The following GRM8 variants were observed in gnomAD, a reference collection of about 807,000 sequenced individuals.
GRM8 encodes glutamate metabotropic receptor 8.
GRM8 carries 47 observed loss-of-function variants against 87.2 expected under a neutral mutation model. The observed-to-expected ratio is 0.54, with a 90% CI of 0.43 to 0.69. The LOEUF (loss-of-function observed/expected upper bound fraction) is 0.69. Ranked by LOEUF, GRM8 falls within the 30% of genes least tolerant of loss-of-function variation. GRM8 has a pLI of 0.00. For missense variants in GRM8, 1,019 were observed against 1,139.2 expected (o/e 0.89, Z 1.52); for synonymous variants, 396 against 404.5 (o/e 0.98, Z 0.25).
Position 126,721,967 on chromosome 7 carries a change from T to C in GRM8, c.1357+47898A>G, listed in dbSNP as rs117952396. 3.3e-3 allele frequency among the ~76,000 whole-genome samples: 507 copies of C among 152,252 alleles called. 1 individual carries two copies. The highest frequency in any genetic ancestry group is 5.9e-3 in the Non-Finnish European group (402 of 68,004). On this transcript the variant is annotated intron_variant, in intron 7 of 10. Coordinates refer to ENST00000339582, the MANE Select transcript of GRM8 (RefSeq NM_000845.3). The stretch of plus-strand genomic sequence containing the variant: ...TAATCCCAGGATTTGAAAGACAAAG[T>C]TGTACCAATGAACACTTAAGCAGAG...
rs538276983 is a variant in GRM8, at chr7:126,743,988, T to C, written c.1357+25877A>G. On this transcript the variant is annotated intron_variant, in intron 7 of 10. Transcript: ENST00000339582. Reference sequence around the variant, plus strand: ...AGACAGTGGTGCCGAACTACACTAGTAGTCATCATATTCCTCACTGCTACA... The same window carrying C: ...AGACAGTGGTGCCGAACTACACTAGCAGTCATCATATTCCTCACTGCTACA... 1.1e-4 allele frequency among the ~76,000 whole-genome samples: 17 copies of C among 152,184 alleles called. No homozygotes were observed. The South Asian group carries it at 1.5e-3, about 13-fold the overall frequency.
At chr7:126,589,890 C>G (rs1444456180) in intron 8 of GRM8, among the ~76,000 whole-genome samples, 1 of 152,072 alleles carries the variant, frequency 6.6e-6, no homozygotes, top group Non-Finnish European at 1.5e-5. Flanking sequence ...AGCCCTTGAG[C>G]CCCAGATCTT....
chr7:126,723,419 G>T (rs1416985630), intron 7 of GRM8, among the ~76,000 whole-genome samples: 1 of 152,080 alleles, frequency 6.6e-6, no homozygotes, highest in African/African-American at 2.4e-5. Context: ...GGAGGAAATA[G>T]AGGCCCGCAA....
intron 3 of GRM8, among the ~76,000 whole-genome samples, chr7:126,968,092 G>C (rs576028846): frequency 6.6e-6 from 1 of 152,174 alleles, no homozygotes; most frequent in Non-Finnish European, 1.5e-5. Context: ...CTTATCTGTT[G>C]GTTTTGGAGA....
intron 8 of GRM8, among the ~76,000 whole-genome samples, chr7:126,573,260 C>A (rs1363112409): frequency 6.6e-6 from 1 of 152,130 alleles, no homozygotes; most frequent in African/African-American, 2.4e-5. Flanking sequence ...ATTATTCTCA[C>A]AGGATAGAAT....
chr7:127,212,072 AT>A (rs1459130554), intron 2 of GRM8, among the ~76,000 whole-genome samples: 2 of 152,204 alleles, frequency 1.3e-5, no homozygotes, highest in Non-Finnish European at 2.9e-5. Context: ...CCCTTACATA[AT>A]AGTCACACCC....
At position 126,463,022 on chromosome 7, in the gene GRM8, T is replaced by C. The variant is rs537482144; in HGVS notation, c.2431-16650A>G. ...AGTCATCGACTGTTCTGACTAGATG[T>C]AGTGTGGTTATTTGACTGGTTTTCA... On this transcript the variant is annotated intron_variant, in intron 9 of 10. Transcript: ENST00000339582. Among the ~76,000 whole-genome samples, 32 of 145,534 alleles carry C rather than the reference T, an allele frequency of 2.2e-4. 1 individual carries two copies. Among genetic ancestry groups the C allele is most frequent in the African/African-American group, 8.7e-4 (31 of 35,802 alleles).
chr7:126,743,498 T>C (rs1296790673), intron 7 of GRM8, among the ~76,000 whole-genome samples: 3 of 152,120 alleles, frequency 2.0e-5, no homozygotes, highest in South Asian at 2.1e-4. Context: ...CAATAAAAAA[T>C]AAATAAAAAG....
intron 3 of GRM8, among the ~76,000 whole-genome samples, chr7:127,053,753 ACT>A (rs979035000): frequency 2.9e-4 from 37 of 127,154 alleles, no homozygotes; most frequent in East Asian, 2.5e-3. Context: ...ACACCATTAC[ACT>A]CTAACCTGAG....
chr7:127,024,794 T>G lies in GRM8; in HGVS notation c.727+81702A>C, dbSNP rs6967262. Among the ~76,000 whole-genome samples, 474 of 152,144 alleles carry G rather than the reference T, an allele frequency of 3.1e-3. 5 individuals carry two copies. The highest frequency in any genetic ancestry group is 0.011 in the African/African-American group (455 of 41,542). ...TCATGTTTTCACATGGCTGGGTCCT[T>G]CTTTTCATGCAGACATCAGCTCCAA... On this transcript the variant is annotated intron_variant, in intron 3 of 10. Transcript: ENST00000339582.
intron 9 of GRM8, among the ~76,000 whole-genome samples, chr7:126,520,132 G>C (rs1181400866): frequency 2.6e-5 from 4 of 152,032 alleles, no homozygotes; most frequent in Non-Finnish European, 5.9e-5. Context: ...AGATCTAGGA[G>C]AAATTTCAAA....
intron 9 of GRM8, among the ~76,000 whole-genome samples, chr7:126,472,704 A>G (rs1294397116): frequency 6.6e-6 from 1 of 152,138 alleles, no homozygotes; most frequent in Admixed American, 6.5e-5. Flanking sequence ...ATGTCTCCCG[A>G]GCATGTCAGA....
chr7:127,130,518 CT>C (rs1827627643), intron 2 of GRM8, among the ~76,000 whole-genome samples: 1 of 152,146 alleles, frequency 6.6e-6, no homozygotes, highest in Admixed American at 6.5e-5. Context: ...TCATGTTATG[CT>C]TTTGAAAAGA....
At chr7:126,959,038 G>C (rs910914641) in intron 3 of GRM8, among the ~76,000 whole-genome samples, 3 of 152,194 alleles carry the variant, frequency 2.0e-5, no homozygotes, top group African/African-American at 7.2e-5. Flanking sequence ...AACCTGGGTA[G>C]AAGGAAGGAG....
Position 126,586,442 on chromosome 7 carries a change from A to G in GRM8, c.1494+22920T>C, listed in dbSNP as rs577120289. Among the ~76,000 whole-genome samples, 152 of 152,344 alleles carry G rather than the reference A, an allele frequency of 1.0e-3. 4 individuals are homozygous for G. In the South Asian group the frequency reaches 0.03, roughly 30 times the overall value. ...TGACTTCAAACTATACTACAAGGCT[A>G]TAGTAACCAAAACAGCATGGTACTG... is the stretch of plus-strand genomic sequence containing the variant. On this transcript the variant is annotated intron_variant, in intron 8 of 10. Coordinates refer to ENST00000339582, the MANE Select transcript of GRM8 (RefSeq NM_000845.3).
At chr7:126,499,485 C>G (rs1234145855) in intron 9 of GRM8, among the ~76,000 whole-genome samples, 1 of 151,282 alleles carries the variant, frequency 6.6e-6, no homozygotes, top group African/African-American at 2.4e-5. Context: ...AAGAAAATGA[C>G]ATCGGTATGA....
chr7:126,917,275 A>G (rs1484095847), intron 3 of GRM8, among the ~76,000 whole-genome samples: 1 of 152,132 alleles, frequency 6.6e-6, no homozygotes, highest in East Asian at 1.9e-4. Flanking sequence ...CATGCCCAGC[A>G]TAATTCTTTG....
chr7:126,469,956 C>T (rs895002015), intron 9 of GRM8, among the ~76,000 whole-genome samples: 3 of 151,996 alleles, frequency 2.0e-5, no homozygotes, highest in African/African-American at 4.8e-5. Flanking sequence ...TTGGAGCTTC[C>T]TAGAGACTTT....
intron 3 of GRM8, among the ~76,000 whole-genome samples, chr7:127,090,222 A>G (rs1823922856): frequency 2.6e-5 from 4 of 152,216 alleles, no homozygotes; most frequent in African/African-American, 7.2e-5. Flanking sequence ...CAACTGTACC[A>G]TATCTCTCCA....
Sources: gnomAD v4.1 joint callset for allele counts (sites outside exome capture counted in the v4.1 genomes callset) on GRCh38, gnomAD v4.1.1 for gene constraint, MANE v1.5 for transcripts, NCBI Gene and HGNC (gene_info 2026-07-23, HGNC 2026-07-21) for gene names.